SSUH2: variants seen among roughly 807,000 people sequenced by gnomAD.
SSUH2 encodes protein SSUH2 homolog.
Under a neutral mutation model 55.3 loss-of-function variants are expected in SSUH2, and 47 were observed. The ratio of observed to expected loss-of-function variants is 0.85; its 90% CI spans 0.67 to 1.08. SSUH2 has a LOEUF of 1.08. Among genes scored for constraint, SSUH2 ranks in the 50% least tolerant of loss-of-function variants. The pLI is 0.00. For missense variants in SSUH2, 535 were observed against 490.7 expected, an observed-to-expected ratio of 1.09 and a Z score of -0.85; for synonymous variants, 212 against 191.5, an observed-to-expected ratio of 1.11 and a Z score of -0.89.
intron 1 of SSUH2, among the ~76,000 whole-genome samples, chr3:8,637,777 A>G (rs909377698): frequency 3.9e-5 from 6 of 152,182 alleles, no homozygotes; most frequent in Non-Finnish European, 2.9e-5. Context: ...CGTCTGTCTC[A>G]GTCACTGAAG....
At chr3:8,628,476 C>T (rs1357379003) in intron 7 of SSUH2, among the ~76,000 whole-genome samples, 3 of 152,322 alleles carry the variant, frequency 2.0e-5, no homozygotes, top group Non-Finnish European at 4.4e-5. Flanking sequence ...GGTTGAATAG[C>T]GGCCCTTCCA....
At chr3:8,676,664 A>G (rs181106313) in intron 3 of SSUH2, among the ~76,000 whole-genome samples, 1 of 151,102 alleles carries the variant, frequency 6.6e-6, no homozygotes, top group East Asian at 2.0e-4. Flanking sequence ...GAGTAATATC[A>G]TCCTCTCCCT....
At chr3:8,627,618 T>C in intron 8 of SSUH2, 80 bp downstream of exon 8, 2 of 1,242,004 alleles carry the variant, frequency 1.6e-6, no homozygotes, top group Non-Finnish European at 2.2e-6. Context: ...GATGGGTTCC[T>C]GTTTGCCTTC....
rs73127065 is a variant in SSUH2, at chr3:8,668,435, A to G, written c.-455+2563T>C. On this transcript the variant is annotated intron_variant, in intron 5 of 18. Coordinates refer to the SSUH2 transcript ENST00000317371. ...CATCTCTCTTGGATTATTGTCTTAA[A>G]TGTTTACTGCAAATCTAACATTAAT... Among the ~76,000 whole-genome samples, 996 of 152,348 alleles carry G rather than the reference A, an allele frequency of 6.5e-3. 9 individuals carry two copies. The highest frequency in any genetic ancestry group is 0.021 in the African/African-American group (880 of 41,574).
At chr3:8,680,202 G>A (rs148476511) in intron 1 of SSUH2, among the ~76,000 whole-genome samples, 2,850 of 151,652 alleles carry the variant, frequency 0.019, 105 homozygotes, top group African/African-American at 0.065. Flanking sequence ...ATGGCCCCCC[G>A]TTTGAGGGCC....
chr3:8,644,877 T>C (rs1382868590), upstream of SSUH2: 2 of 832,788 alleles, frequency 2.4e-6, no homozygotes, highest in Non-Finnish European at 4.0e-6. Context: ...CCAGTTGGAA[T>C]ACAACAAAGG....
At chr3:8,632,142 T>C (rs749143886) in intron 4 of SSUH2, 33 bp from the exon 5 acceptor site, 2 of 1,580,348 alleles carry the variant, frequency 1.3e-6, no homozygotes, top group African/African-American at 2.7e-5. Context: ...TTCACACTCG[T>C]GCCCCTTATG....
At chr3:8,640,334 T>C (rs190955407) in intron 1 of SSUH2, among the ~76,000 whole-genome samples, 18 of 152,154 alleles carry the variant, frequency 1.2e-4, no homozygotes, top group African/African-American at 4.3e-4. Context: ...AACAAACAAA[T>C]AATTGGTCAC....
chr3:8,644,611 A>G (rs1701417006), intron 1 of SSUH2, 120 bp downstream of exon 1: 2 of 898,972 alleles, frequency 2.2e-6, no homozygotes, highest in South Asian at 2.9e-5. Flanking sequence ...TACAGAGCTT[A>G]TTAGAAAAGA....
chr3:8,658,248 T>C (rs1465249483), intron 7 of SSUH2, among the ~76,000 whole-genome samples: 7 of 152,244 alleles, frequency 4.6e-5, no homozygotes, highest in Admixed American at 1.3e-4. Flanking sequence ...GTGGAAGGCA[T>C]TGCTATGAGT....
chr3:8,626,297 C>A lies in SSUH2; in HGVS notation c.699G>T (p.Gly233=). 1 of 1,614,134 alleles carries A rather than the reference C, an allele frequency of 6.2e-7. No individual in the cohort carries two copies. The highest frequency in any genetic ancestry group is 8.5e-7 in the Non-Finnish European group (1 of 1,179,996). ...RRRCSTCSGR[G]NKTCATCKGE... is the part of the protein sequence containing the mutation. Reference sequence around the variant, plus strand: ...CCTTGCAGGTGGCGCAGGTCTTGTTCCCTCTCCCTGAGCAAGTGCTGCATC... The same window carrying A: ...CCTTGCAGGTGGCGCAGGTCTTGTTACCTCTCCCTGAGCAAGTGCTGCATC... The change falls in exon 9 of 12, where the codon GGG becomes GGT. Residue 233 remains glycine (G), a synonymous_variant. Transcript: ENST00000544814.
chr3:8,649,570 T>C (rs183958323), upstream of SSUH2, among the ~76,000 whole-genome samples: 115 of 152,172 alleles, frequency 7.6e-4, no homozygotes, highest in African/African-American at 2.6e-3. Context: ...CACCTCGAGC[T>C]CTCTCTGTGT....
intron 7 of SSUH2, among the ~76,000 whole-genome samples, chr3:8,657,125 A>G (rs1703015491): frequency 1.3e-5 from 2 of 152,058 alleles, no homozygotes; most frequent in Admixed American, 1.3e-4. Context: ...AAGTCATCCT[A>G]CTGCCTTGGC....
chr3:8,681,744 G>C (rs971936052), intron 1 of SSUH2: 1 of 150,440 alleles, frequency 6.6e-6, no homozygotes, highest in Non-Finnish European at 1.5e-5. Flanking sequence ...CGGGGAGTGA[G>C]AGCGAGCCCC....
intron 7 of SSUH2, among the ~76,000 whole-genome samples, chr3:8,652,952 A>T (rs1454208674): frequency 1.3e-5 from 2 of 152,052 alleles, no homozygotes; most frequent in Non-Finnish European, 2.9e-5. Flanking sequence ...TGGGGAGGAG[A>T]CTGGGCTCCT....
intron 11 of SSUH2, among the ~76,000 whole-genome samples, chr3:8,621,817 A>T (rs1274645791): frequency 6.6e-6 from 1 of 152,150 alleles, no homozygotes; most frequent in Non-Finnish European, 1.5e-5. Context: ...GCACAAGGAG[A>T]TGGGAGTCAA....
At chr3:8,667,977 C>G (rs966469067) in intron 5 of SSUH2, among the ~76,000 whole-genome samples, 5 of 152,050 alleles carry the variant, frequency 3.3e-5, no homozygotes, top group Admixed American at 1.3e-4. Context: ...AAGACCCAGG[C>G]TCTCACTCCA....
chr3:8,647,628 GCTCCTGCTGGACGAAGGT>G (rs1701870953), upstream of SSUH2, among the ~76,000 whole-genome samples: 1 of 152,182 alleles, frequency 6.6e-6, no homozygotes, highest in South Asian at 2.1e-4. Context: ...CTATTGCTCA[GCTCCTGCTGGACGAAGGT>G]CTCACCCCAC....
At chr3:8,680,939 T>C (rs34777242) in intron 1 of SSUH2, among the ~76,000 whole-genome samples, 32,164 of 151,744 alleles carry the variant, frequency 0.21, 3,785 homozygotes, top group African/African-American at 0.29. Context: ...ACACTGCCTG[T>C]GATGCTGGAA....
Sources: allele counts gnomAD v4.1 joint callset (sites outside exome capture counted in the v4.1 genomes callset), GRCh38; gene constraint gnomAD v4.1.1; transcripts MANE v1.5; gene names NCBI Gene and HGNC (gene_info 2026-07-23, HGNC 2026-07-21).